The following CERS6 variants were observed in gnomAD, a reference collection of about 807,000 sequenced individuals.
The protein encoded by CERS6 is ceramide synthase 6.
In CERS6, 26 loss-of-function variants were observed where a neutral mutation model predicts 56.8. That is an observed-to-expected ratio of 0.46 (90% CI 0.34 to 0.63). The LOEUF (loss-of-function observed/expected upper bound fraction) is 0.63. Ranked by LOEUF, CERS6 falls within the 30% of genes least tolerant of loss-of-function variation. CERS6 has a pLI of 0.01. For synonymous variants in CERS6, 164 were observed against 173.3 expected (o/e 0.95, Z 0.42); for missense variants, 415 against 467.5 (o/e 0.89, Z 1.04).
intron 8 of CERS6, among the ~76,000 whole-genome samples, chr2:168,730,972 G>T (rs781372494): frequency 3.9e-5 from 6 of 152,124 alleles, no homozygotes; most frequent in Non-Finnish European, 7.4e-5. Context: ...CATGTTCAAA[G>T]AAATGATTCT....
rs553354903 is a variant in CERS6 at position 168,521,850 on chromosome 2, C to G, written c.171-25746C>G. Among the ~76,000 whole-genome samples the G allele has an allele frequency of 7.9e-5, 12 of 152,296 alleles. No individual in the cohort carries two copies. The East Asian group carries it at 2.3e-3, about 29-fold the overall frequency. On this transcript the variant is annotated intron_variant, in intron 1 of 9. Coordinates refer to ENST00000305747, the MANE Select transcript of CERS6 (RefSeq NM_203463.3). ...GGAATAGCCTTTAGAAACCTTCAGGCCCTAAGGGGCTTCACTGAGCATAAT... is the reference window on the plus strand; with the variant it reads ...GGAATAGCCTTTAGAAACCTTCAGGGCCTAAGGGGCTTCACTGAGCATAAT...
intron 4 of CERS6, among the ~76,000 whole-genome samples, chr2:168,631,625 ATAATATATAGCATAT>A (rs1684735721): frequency 1.7e-5 from 2 of 115,714 alleles, no homozygotes; most frequent in Non-Finnish European, 3.2e-5. Flanking sequence ...TAATATTTAT[ATAATATATAGCATAT>A]TTTATATTTA....
At chr2:168,674,699 G>A (rs964904151) in intron 4 of CERS6, among the ~76,000 whole-genome samples, 11 of 152,234 alleles carry the variant, frequency 7.2e-5, no homozygotes, top group Admixed American at 5.9e-4. Context: ...TTTCTGCCTC[G>A]TGTCACAGCC....
At chr2:168,682,072 A>G (rs957820668) in intron 4 of CERS6, among the ~76,000 whole-genome samples, 1 of 152,196 alleles carries the variant, frequency 6.6e-6, no homozygotes, top group African/African-American at 2.4e-5. Context: ...ATAGTGCTAC[A>G]ATAAACATGG....
At chr2:168,743,181 T>C (rs1016402419) in intron 8 of CERS6, among the ~76,000 whole-genome samples, 5 of 149,774 alleles carry the variant, frequency 3.3e-5, no homozygotes, top group Admixed American at 1.3e-4. Flanking sequence ...TGTGTGTGTG[T>C]ATGTGTGTGT....
chr2:168,465,565 A>T (rs974303707), intron 1 of CERS6, among the ~76,000 whole-genome samples: 2 of 152,220 alleles, frequency 1.3e-5, no homozygotes, highest in Non-Finnish European at 2.9e-5. Flanking sequence ...CATCTTTTAA[A>T]AGGAAGGAAT....
At chr2:168,674,153 C>G (rs1685993879) in intron 4 of CERS6, among the ~76,000 whole-genome samples, 1 of 152,172 alleles carries the variant, frequency 6.6e-6, no homozygotes. Context: ...CCGAGAGTGT[C>G]TAAGATGTTT....
chr2:168,670,622 A>T (rs17249675), intron 4 of CERS6, among the ~76,000 whole-genome samples: 5,941 of 152,076 alleles, frequency 0.039, 167 homozygotes, highest in Middle Eastern at 0.068. Flanking sequence ...GACATAGTCA[A>T]AACAGAAAAG....
At chr2:168,593,406 C>G (rs1300411894) in intron 3 of CERS6, among the ~76,000 whole-genome samples, 1 of 152,156 alleles carries the variant, frequency 6.6e-6, no homozygotes, top group East Asian at 1.9e-4. Context: ...AATTTGGAAA[C>G]CGCAGTTTTC....
rs139776510 is a variant in CERS6 at position 168,616,334 on chromosome 2, C to T, written c.408-14651C>T. Reference sequence around the variant, plus strand: ...AATTTAGGAAAAAAAAATAAAAATCCAAGGTATACAGGCAATAAATAGCAT... The same window carrying T: ...AATTTAGGAAAAAAAAATAAAAATCTAAGGTATACAGGCAATAAATAGCAT... On this transcript the variant is annotated intron_variant, in intron 3 of 9. Coordinates refer to ENST00000305747, the MANE Select transcript of CERS6 (RefSeq NM_203463.3). Among the ~76,000 whole-genome samples, 929 of 152,160 alleles carry T rather than the reference C, an allele frequency of 6.1e-3. 10 individuals are homozygous for T. The highest frequency in any genetic ancestry group is 0.02 in the African/African-American group (826 of 41,526).
Position 168,492,283 on chromosome 2 carries a change from C to T in CERS6, c.170+35665C>T, listed in dbSNP as rs187265125. ...CGTCCACATCCTCTCCAGCATCTGT[C>T]GTTTCCTGACTTTTTAATGATCACC... On this transcript the variant is annotated intron_variant, in intron 1 of 9. Transcript: ENST00000305747. Among the ~76,000 whole-genome samples the T allele has an allele frequency of 5.9e-3, 893 of 152,204 alleles. 9 individuals carry two copies. Among genetic ancestry groups the T allele is most frequent in the Middle Eastern group, 0.02 (6 of 294 alleles).
chr2:168,765,782 A>T (rs963318529), intron 9 of CERS6, 34 bp downstream of exon 9: 2 of 1,580,294 alleles, frequency 1.3e-6, no homozygotes, highest in Non-Finnish European at 1.7e-6. Context: ...AATATGTCTT[A>T]AAAAATTTTG....
intron 8 of CERS6, among the ~76,000 whole-genome samples, chr2:168,726,047 T>G (rs568374572): frequency 1.3e-5 from 2 of 152,356 alleles, no homozygotes; most frequent in Non-Finnish European, 2.9e-5. Flanking sequence ...TGGCATAGAT[T>G]GTACTCAAAC....
chr2:168,658,298 C>G (rs1685542785), intron 4 of CERS6, among the ~76,000 whole-genome samples: 1 of 152,170 alleles, frequency 6.6e-6, no homozygotes, highest in Non-Finnish European at 1.5e-5. Flanking sequence ...GACGAGATCC[C>G]AAGGAAGTAG....
At chr2:168,747,230 G>A (rs1423011392) in intron 8 of CERS6, among the ~76,000 whole-genome samples, 1 of 151,966 alleles carries the variant, frequency 6.6e-6, no homozygotes, top group African/African-American at 2.4e-5. Context: ...AGGATTCAGT[G>A]AGCCATGATT....
intron 5 of CERS6, among the ~76,000 whole-genome samples, chr2:168,693,354 G>A (rs1686553839): frequency 6.6e-6 from 1 of 152,156 alleles, no homozygotes; most frequent in Non-Finnish European, 1.5e-5. Flanking sequence ...GTCGGACATA[G>A]TAATTATTAT....
chr2:168,743,364 A>C (rs1683985438), intron 8 of CERS6, among the ~76,000 whole-genome samples: 1 of 152,034 alleles, frequency 6.6e-6, no homozygotes, highest in African/African-American at 2.4e-5. Flanking sequence ...GGCTGGGCGC[A>C]GTGCTCACGC....
intron 4 of CERS6, among the ~76,000 whole-genome samples, chr2:168,684,316 A>G (rs1173961976): frequency 6.6e-6 from 1 of 152,178 alleles, no homozygotes; most frequent in Non-Finnish European, 1.5e-5. Context: ...GGAGGAAGGG[A>G]CACCTCTTGC....
intron 1 of CERS6, among the ~76,000 whole-genome samples, chr2:168,535,523 C>T (rs1168852842): frequency 6.6e-6 from 1 of 152,078 alleles, no homozygotes; most frequent in African/African-American, 2.4e-5. Flanking sequence ...TGCCAGCCTC[C>T]TAGTGAGTTC....
Sources: gnomAD v4.1 joint callset for allele counts (sites outside exome capture counted in the v4.1 genomes callset) on GRCh38, gnomAD v4.1.1 for gene constraint, MANE v1.5 for transcripts, NCBI Gene and HGNC (gene_info 2026-07-23, HGNC 2026-07-21) for gene names.